Variants in MYO10 observed in about 807,000 individuals in gnomAD.
The protein encoded by MYO10 is myosin X.
A neutral mutation model predicts 257.3 loss-of-function variants in MYO10; 133 were observed. The observed-to-expected ratio is 0.52, with a 90% CI of 0.45 to 0.60. The LOEUF is 0.60. Ranked by LOEUF, MYO10 falls within the 20% of genes least tolerant of loss-of-function variation. MYO10 has a pLI of 0.00. For missense variants in MYO10, 2,399 were observed against 2,635.7 expected, an observed-to-expected ratio of 0.91 and a Z score of 1.97; for synonymous variants, 1,104 against 1,028.6, an observed-to-expected ratio of 1.07 and a Z score of -1.40.
chr5:16,750,053 C>T (rs938854678), intron 19 of MYO10, among the ~76,000 whole-genome samples: 4 of 152,060 alleles, frequency 2.6e-5, no homozygotes, highest in African/African-American at 9.7e-5. Flanking sequence ...AAGCAAATCA[C>T]AATCAAAAAA....
At chr5:16,667,848 T>C (rs1358849263) in intron 40 of MYO10, among the ~76,000 whole-genome samples, 2 of 152,182 alleles carry the variant, frequency 1.3e-5, no homozygotes, top group African/African-American at 2.4e-5. Flanking sequence ...CAATCCAGAA[T>C]GAGCTGCACC....
At chr5:16,697,535 A>G (rs31579) in intron 26 of MYO10, among the ~76,000 whole-genome samples, 54,591 of 151,808 alleles carry the variant, frequency 0.36, 10,308 homozygotes, top group African/African-American at 0.47. Flanking sequence ...CCCTGTCTCT[A>G]CTAAAAATAC....
intron 2 of MYO10, among the ~76,000 whole-genome samples, chr5:16,823,467 G>GGGGGTTTT (rs1561003861): frequency 5.0e-4 from 2 of 3,986 alleles, no homozygotes; most frequent in Non-Finnish European, 5.8e-4. Flanking sequence ...GGGGAGTGGG[G>GGGGGTTTT]ATTTTTTTTT....
At chr5:16,788,163 G>C (rs574308286) in intron 4 of MYO10, among the ~76,000 whole-genome samples, 6 of 152,154 alleles carry the variant, frequency 3.9e-5, no homozygotes, top group African/African-American at 1.4e-4. Context: ...AGACCAAAAA[G>C]GTGATGCGGG....
rs2126667838 is a variant in MYO10 at position 16,779,666 on chromosome 5, C to T, written c.827-18G>A. Reference sequence around the variant, plus strand: ...AAATTCTTCTACAGAAAGACAAAAACATGATGTCACAGTTCTCCAGGACAA... The same window carrying T: ...AAATTCTTCTACAGAAAGACAAAAATATGATGTCACAGTTCTCCAGGACAA... On this transcript the variant is annotated intron_variant, in intron 8 of 40. Transcript: ENST00000513610. 7.1e-7 allele frequency: 1 copy of T among 1,417,468 alleles called. No homozygotes were observed. The highest frequency in any genetic ancestry group is 2.3e-5 in the East Asian group (1 of 43,590). The allele number at this position is 1,417,468 out of a possible 1,614,324, so 87.8% of individuals were successfully genotyped here. A position where few individuals can be genotyped will look rare whatever the true frequency, so the allele number is the denominator to read the frequency against.
chr5:16,732,860 G>A (rs1026647677), intron 19 of MYO10, among the ~76,000 whole-genome samples: 5 of 152,190 alleles, frequency 3.3e-5, no homozygotes, highest in African/African-American at 7.2e-5. Flanking sequence ...AGAGCTGAGC[G>A]CGGTGGCTCA....
At chr5:16,782,762 GT>G (rs2126670571) in intron 5 of MYO10, among the ~76,000 whole-genome samples, 1 of 152,276 alleles carries the variant, frequency 6.6e-6, no homozygotes, top group Admixed American at 6.5e-5. Flanking sequence ...CAATGACATA[GT>G]TTATACAACA....
Position 16,672,818 on chromosome 5 carries a change from T to A in MYO10, c.5180A>T (p.Glu1727Val), listed in dbSNP as rs376572268. 1 of 1,613,186 alleles carries A rather than the reference T, an allele frequency of 6.2e-7. No homozygotes were observed. Among genetic ancestry groups the A allele is most frequent in the African/African-American group, 1.3e-5 (1 of 75,032 alleles). Residue 1727 changes from glutamate to valine, a missense_variant, in exon 37 of 41, where the codon GAG becomes GTG. Physicochemically the swap from Glu to Val is moderately radical, Grantham distance 121. Around this residue, in one of 3 missense-constraint regions of MYO10, gnomAD observed 1,820 missense variants for 1,939.4 expected, o/e 0.94. Transcript: ENST00000513610. ...CATGGCCAGGCCTCGGATCAGCTTC[T>A]CCACCACCTGGAAGACACACCAGGG... ...NSHTTAGEVV[E>V]KLIRGLAMED... is the part of the protein sequence containing the mutation.
Position 16,833,507 on chromosome 5 carries a change from C to T in MYO10, c.121-15340G>A, listed in dbSNP as rs111446790. ...GATTATAGGTGTGAGCCACTGTGCC[C>T]GGCCATTTTACTAGTTTTAATGACA... On this transcript the variant is annotated intron_variant, in intron 2 of 40. Coordinates refer to ENST00000513610, the MANE Select transcript of MYO10 (RefSeq NM_012334.3). Among the ~76,000 whole-genome samples, 510 of 152,128 alleles carry T rather than the reference C, an allele frequency of 3.4e-3. 3 individuals carry two copies. Among genetic ancestry groups the T allele is most frequent in the African/African-American group, 0.012 (485 of 41,496 alleles).
At chr5:16,797,923 T>C (rs1476460679) in intron 3 of MYO10, among the ~76,000 whole-genome samples, 1 of 152,214 alleles carries the variant, frequency 6.6e-6, no homozygotes, top group Non-Finnish European at 1.5e-5. Flanking sequence ...TGTAACAGTA[T>C]TAGGAAGGTG....
chr5:16,698,021 G>A (rs1000688543), intron 26 of MYO10, among the ~76,000 whole-genome samples: 2 of 152,176 alleles, frequency 1.3e-5, no homozygotes, highest in Non-Finnish European at 2.9e-5. Context: ...ACTGAGTTAC[G>A]AGTCAGAGTC....
chr5:16,914,765 C>T lies in MYO10; in HGVS notation c.21+21023G>A, dbSNP rs1745768991. On this transcript the variant is annotated intron_variant, in intron 1 of 40. Coordinates refer to ENST00000513610, the MANE Select transcript of MYO10 (RefSeq NM_012334.3). ...CTGCCAGTCCTTGGAACCGGCAAGC[C>T]ACCTGGCCGTGAGAGCAGTGATAAG... Among the ~76,000 whole-genome samples, 5 of 152,250 alleles carry T rather than the reference C, an allele frequency of 3.3e-5. No homozygotes were observed. In the South Asian group the frequency reaches 1.0e-3, roughly 32 times the overall value.
chr5:16,883,136 T>C (rs559061543), intron 1 of MYO10, among the ~76,000 whole-genome samples: 278 of 152,082 alleles, frequency 1.8e-3, no homozygotes, highest in African/African-American at 6.3e-3. Flanking sequence ...AGGATGGTCT[T>C]GATCTCCTGA....
intron 1 of MYO10, among the ~76,000 whole-genome samples, chr5:16,907,347 A>T (rs968908806): frequency 1.3e-5 from 2 of 152,126 alleles, no homozygotes; most frequent in Admixed American, 6.6e-5. Context: ...AGAATGAGCC[A>T]ACAAAGGAAA....
chr5:16,761,597 G>T, intron 16 of MYO10, 51 bp from the exon 17 acceptor site: 1 of 1,351,652 alleles, frequency 7.4e-7, no homozygotes, highest in Non-Finnish European at 1.0e-6. Context: ...AATAGTTTCA[G>T]GTCATAAGCA....
intron 2 of MYO10, among the ~76,000 whole-genome samples, chr5:16,827,808 C>CA (rs2126714966): frequency 6.6e-6 from 1 of 152,268 alleles, no homozygotes; most frequent in African/African-American, 2.4e-5. Flanking sequence ...GTGCCAGCTG[C>CA]ATGCATCAGA....
At chr5:16,877,538 C>A (rs1460195822) in intron 2 of MYO10, 71 bp downstream of exon 2, 4 of 1,250,718 alleles carry the variant, frequency 3.2e-6, no homozygotes, top group Non-Finnish European at 4.6e-6. Flanking sequence ...GGGCCAAGCA[C>A]ACATGCCCTG....
intron 19 of MYO10, among the ~76,000 whole-genome samples, chr5:16,734,484 A>G (rs897042949): frequency 2.0e-5 from 3 of 152,174 alleles, no homozygotes; most frequent in African/African-American, 7.2e-5. Context: ...AGAGCCACAC[A>G]GTGAACACCA....
At chr5:16,823,277 A>G (rs1037232722) in intron 2 of MYO10, among the ~76,000 whole-genome samples, 1 of 149,150 alleles carries the variant, frequency 6.7e-6, no homozygotes, top group Non-Finnish European at 1.5e-5. Context: ...AAATCCCGTC[A>G]CTACTAAAAA....
Sources: gnomAD v4.1 joint callset for allele counts (sites outside exome capture counted in the v4.1 genomes callset) on GRCh38, gnomAD v4.1.1 for gene constraint, gnomAD v4.1.1 regional missense constraint, MANE v1.5 for transcripts, NCBI Gene and HGNC (gene_info 2026-07-23, HGNC 2026-07-21) for gene names.